Variants in U2SURP observed in about 807,000 individuals in gnomAD.
U2SURP encodes U2 snRNP associated SURP domain containing.
In U2SURP, 9 loss-of-function variants were observed where a neutral mutation model predicts 144.9. The ratio of observed to expected loss-of-function variants is 0.06; its 90% CI spans 0.04 to 0.11. The LOEUF is 0.11. Ranked by LOEUF, U2SURP falls within the 10% of genes least tolerant of loss-of-function variation. The pLI is 1.00. For missense variants in U2SURP, 724 were observed against 1,226.7 expected, an observed-to-expected ratio of 0.59 and a Z score of 6.12; for synonymous variants, 408 against 396.8, an observed-to-expected ratio of 1.03 and a Z score of -0.33.
intron 3 of U2SURP, among the ~76,000 whole-genome samples, chr3:143,013,437 T>C (rs1250143019): frequency 6.6e-6 from 1 of 152,104 alleles, no homozygotes; most frequent in African/African-American, 2.4e-5. Flanking sequence ...GTTACTCTTC[T>C]ATTCTGCATC....
chr3:143,016,782 TAAAAC>T, intron 5 of U2SURP, 55 bp from the exon 6 acceptor site: 8 of 1,390,942 alleles, frequency 5.8e-6, no homozygotes, highest in Non-Finnish European at 7.6e-6. Flanking sequence ...TGTTTTTAAA[TAAAAC>T]AGTAAAGAAA....
rs903506588 is a variant in U2SURP, at chr3:143,058,274, G to T, written c.*1824G>T. ...TCTAGTATAGGCTTAGAAATAATTG[G>T]TCAGGTAATAATCTTTCCAGTCAAG... On this transcript the variant is annotated 3_prime_UTR_variant, in exon 28 of 28. Transcript: ENST00000473835. The T allele has an allele frequency of 4.0e-5, 6 of 151,810 alleles. No homozygotes were observed. Among genetic ancestry groups the T allele is most frequent in the African/African-American group, 1.2e-4 (5 of 41,386 alleles). 9.4% of individuals were successfully genotyped at this position (151,810 alleles called of 1,614,324 possible). A position where few individuals can be genotyped will look rare whatever the true frequency, so the allele number is the denominator to read the frequency against.
At chr3:143,046,162 GAATA>G (rs1934424044) in intron 24 of U2SURP, among the ~76,000 whole-genome samples, 1 of 150,832 alleles carries the variant, frequency 6.6e-6, no homozygotes, top group Non-Finnish European at 1.5e-5. Flanking sequence ...TTGTAGCATG[GAATA>G]AATAAAAACC....
Position 143,028,471 on chromosome 3 carries a change from A to T in U2SURP, c.1447-12A>T, listed in dbSNP as rs1271777704. 1 of 1,599,694 alleles carries T rather than the reference A, an allele frequency of 6.3e-7. No homozygotes were observed. Among genetic ancestry groups the T allele is most frequent in the Non-Finnish European group, 8.5e-7 (1 of 1,176,222 alleles). On this transcript the variant is annotated splice_polypyrimidine_tract_variant and intron_variant, in intron 15 of 27. Coordinates refer to ENST00000473835, the MANE Select transcript of U2SURP (RefSeq NM_001080415.2). ...TAATTAGACCTTTATAATAACTCTAAATGTTTGTTAGGGAGATTCTCCAAC... is the reference window on the plus strand; with the variant it reads ...TAATTAGACCTTTATAATAACTCTATATGTTTGTTAGGGAGATTCTCCAAC...
intron 24 of U2SURP, among the ~76,000 whole-genome samples, chr3:143,046,297 A>ATTTTTTTTTTTTTTTT (rs11400849): frequency 1.0e-4 from 11 of 106,404 alleles, no homozygotes; most frequent in East Asian, 3.3e-4. Flanking sequence ...TTTATTTTTT[A>ATTTTTTTTTTTTTTTT]TTTTTTTTTA....
chr3:143,016,812 A>G (rs998588886), intron 5 of U2SURP, 30 bp from the exon 6 acceptor site: 1 of 1,492,316 alleles, frequency 6.7e-7, no homozygotes, highest in Non-Finnish European at 8.9e-7. Context: ...TTGCGAAATT[A>G]GTTTTGAAAC....
chr3:143,029,574 A>G (rs1254849510), intron 16 of U2SURP, among the ~76,000 whole-genome samples: 1 of 151,990 alleles, frequency 6.6e-6, no homozygotes, highest in Non-Finnish European at 1.5e-5. Context: ...AGGCCTCCCT[A>G]TTTCCTGAGA....
At chr3:143,051,876 T>G (rs1934887633) in intron 25 of U2SURP, among the ~76,000 whole-genome samples, 1 of 151,830 alleles carries the variant, frequency 6.6e-6, no homozygotes, top group South Asian at 2.1e-4. Flanking sequence ...ATGAGTTAGA[T>G]AATAGCTAAT....
At position 143,058,922 on chromosome 3, in the gene U2SURP, TA is replaced by T; in HGVS notation, c.*2473del. On this transcript the variant is annotated 3_prime_UTR_variant, in exon 28 of 28. Coordinates refer to ENST00000473835, the MANE Select transcript of U2SURP (RefSeq NM_001080415.2). ...TGCCAGAGTTGTTTTCCACAGTTCT[TA>T]TAAAGGGCATGACTTAGGCTCTTTA... The T allele has an allele frequency of 6.6e-6, 1 of 151,872 alleles. No individual in the cohort carries two copies. Among genetic ancestry groups the T allele is most frequent in the Non-Finnish European group, 1.5e-5 (1 of 67,802 alleles). 9.4% of individuals were successfully genotyped at this position (151,872 alleles called of 1,614,324 possible). A position where few individuals can be genotyped will look rare whatever the true frequency, so the allele number is the denominator to read the frequency against.
chr3:143,025,765 CTG>C (rs778702061), intron 13 of U2SURP: 1 of 152,046 alleles, frequency 6.6e-6, no homozygotes, highest in Non-Finnish European at 1.5e-5. Context: ...AAGATTTAAA[CTG>C]TGATGCAATT....
rs1935250751 is a variant in U2SURP, at chr3:143,058,510, T to C, written c.*2060T>C. On this transcript the variant is annotated 3_prime_UTR_variant, in exon 28 of 28. Coordinates refer to ENST00000473835, the MANE Select transcript of U2SURP (RefSeq NM_001080415.2). ...TTTGGTTGGGTGGGTGAGGATTTCTTAGGCCTGATAGAATATATATTCTGT... is the reference window on the plus strand; with the variant it reads ...TTTGGTTGGGTGGGTGAGGATTTCTCAGGCCTGATAGAATATATATTCTGT... The C allele has an allele frequency of 6.6e-6, 1 of 151,870 alleles. No individual in the cohort carries two copies. Among genetic ancestry groups the C allele is most frequent in the Admixed American group, 6.6e-5 (1 of 15,236 alleles). The allele number at this position is 151,870 out of a possible 1,614,324, so 9.4% of individuals were successfully genotyped here.
intron 27 of U2SURP, among the ~76,000 whole-genome samples, chr3:143,055,781 G>T (rs1456702175): frequency 6.6e-6 from 1 of 152,054 alleles, no homozygotes; most frequent in African/African-American, 2.4e-5. Context: ...GTATGTATAT[G>T]TACATGTATC....
At chr3:143,042,555 A>G (rs1413640714) in intron 23 of U2SURP, among the ~76,000 whole-genome samples, 1 of 152,038 alleles carries the variant, frequency 6.6e-6, no homozygotes, top group Admixed American at 6.6e-5. Flanking sequence ...TGTCACCTGA[A>G]CAATGTACAC....
chr3:143,048,584 A>G (rs933968185), intron 24 of U2SURP, among the ~76,000 whole-genome samples: 3 of 152,218 alleles, frequency 2.0e-5, no homozygotes, highest in African/African-American at 7.2e-5. Flanking sequence ...AGAGAAGGAG[A>G]GAACATCAAA....
At chr3:143,024,672 G>A in intron 13 of U2SURP, 1 of 229,832 alleles carries the variant, frequency 4.4e-6, no homozygotes, top group Non-Finnish European at 8.8e-6. Flanking sequence ...CCCAAACACA[G>A]GAACACAACA....
At chr3:143,027,128 T>C in intron 13 of U2SURP, 21 bp from the exon 14 acceptor site, 2 of 1,588,712 alleles carry the variant, frequency 1.3e-6, no homozygotes, top group Non-Finnish European at 1.7e-6. Flanking sequence ...TCCATTTTCT[T>C]TAACTGTGTT....
chr3:143,016,183 C>T (rs971828124), intron 4 of U2SURP, 74 bp from the exon 5 acceptor site: 2 of 1,336,746 alleles, frequency 1.5e-6, no homozygotes, highest in Non-Finnish European at 2.1e-6. Context: ...CCATATTATT[C>T]CTTGATGAAT....
chr3:143,002,532 T>C (rs2108261888), intron 1 of U2SURP, among the ~76,000 whole-genome samples: 1 of 152,336 alleles, frequency 6.6e-6, no homozygotes, highest in Admixed American at 6.5e-5. Flanking sequence ...TGGTCTCGAA[T>C]ATATTAAAAG....
chr3:143,043,296 T>C lies in U2SURP; in HGVS notation c.2544+20T>C, dbSNP rs1934215278. On this transcript the variant is annotated intron_variant, in intron 24 of 27. Transcript: ENST00000473835. ...ATTGAGGTTGGTGTTGCAGTGAAAC[T>C]TAAATTACACTTTATTGGCTTTTCA... is the stretch of plus-strand genomic sequence containing the variant. The C allele has an allele frequency of 2.5e-6, 4 of 1,579,408 alleles. No individual in the cohort carries two copies. The highest frequency in any genetic ancestry group is 2.6e-6 in the Non-Finnish European group (3 of 1,162,014).
Sources: allele counts gnomAD v4.1 joint callset (sites outside exome capture counted in the v4.1 genomes callset), GRCh38; gene constraint gnomAD v4.1.1; transcripts MANE v1.5; gene names NCBI Gene and HGNC (gene_info 2026-07-23, HGNC 2026-07-21).